Variants in RUFY3 observed in about 807,000 individuals in gnomAD.
The protein encoded by RUFY3 is protein RUFY3.
A neutral mutation model predicts 84.0 loss-of-function variants in RUFY3; 34 were observed. The ratio of observed to expected loss-of-function variants is 0.40; its 90% confidence interval spans 0.31 to 0.54. The LOEUF is 0.54. Among genes scored for constraint, RUFY3 ranks in the 20% least tolerant of loss-of-function variants. The pLI is 0.39. For synonymous variants in RUFY3, 242 were observed against 252.9 expected, an observed-to-expected ratio of 0.96 and a Z score of 0.41; for missense variants, 507 against 736.8, an observed-to-expected ratio of 0.69 and a Z score of 3.61.
chr4:70,743,168 C>T (rs2148652262), intron 1 of RUFY3, among the ~76,000 whole-genome samples: 2 of 152,226 alleles, frequency 1.3e-5, no homozygotes, highest in East Asian at 3.9e-4. Context: ...TCCTGGGGTT[C>T]AAGCAATTCT....
rs547049640 is a variant in RUFY3, at chr4:70,735,670, A to G, written c.178+12919A>G. On this transcript the variant is annotated intron_variant, in intron 1 of 17. Transcript: ENST00000381006. Reference sequence around the variant, plus strand: ...AGCCTGGGCAACATGGCAAAACCCTATATCTACAAAAAAAAATAAAAATTA... The same window carrying G: ...AGCCTGGGCAACATGGCAAAACCCTGTATCTACAAAAAAAAATAAAAATTA... Among the ~76,000 whole-genome samples the G allele has an allele frequency of 1.6e-4, 24 of 151,566 alleles. No individual in the cohort carries two copies. The East Asian group carries it at 2.3e-3, about 15-fold the overall frequency.
At chr4:70,755,733 C>T (rs1022856377) in intron 1 of RUFY3, among the ~76,000 whole-genome samples, 2 of 152,042 alleles carry the variant, frequency 1.3e-5, no homozygotes, top group Non-Finnish European at 2.9e-5. Flanking sequence ...GGGCGGATCA[C>T]GAGGTCAGGA....
At chr4:70,787,877 C>T (rs1245077756) in intron 10 of RUFY3, among the ~76,000 whole-genome samples, 1 of 152,026 alleles carries the variant, frequency 6.6e-6, no homozygotes, top group Non-Finnish European at 1.5e-5. Context: ...CCTAGGTGAG[C>T]CCAAGGCACA....
At chr4:70,798,858 A>T (rs1731857735) in intron 14 of RUFY3, among the ~76,000 whole-genome samples, 1 of 152,032 alleles carries the variant, frequency 6.6e-6, no homozygotes, top group African/African-American at 2.4e-5. Context: ...ATTGGTAGAA[A>T]TGCAGTTTGA....
chr4:70,771,821 C>T (rs990373261), intron 5 of RUFY3, among the ~76,000 whole-genome samples: 8 of 152,090 alleles, frequency 5.3e-5, no homozygotes, highest in South Asian at 2.1e-4. Context: ...TGAGCCATGG[C>T]GCCTGGCCTA....
upstream of RUFY3, among the ~76,000 whole-genome samples, chr4:70,721,068 C>G (rs1261102522): frequency 3.9e-5 from 6 of 152,074 alleles, no homozygotes; most frequent in Non-Finnish European, 8.8e-5. Context: ...AATCCCAGCA[C>G]TTTGGGAGGC....
At chr4:70,772,870 A>G (rs879418132) in intron 5 of RUFY3, among the ~76,000 whole-genome samples, 1 of 152,188 alleles carries the variant, frequency 6.6e-6, no homozygotes, top group Non-Finnish European at 1.5e-5. Flanking sequence ...CATGTTGTTC[A>G]GTCTGGTCTC....
At chr4:70,791,829 A>AG (rs1467501991) in intron 12 of RUFY3, 4 of 985,838 alleles carry the variant, frequency 4.1e-6, no homozygotes, top group Non-Finnish European at 4.8e-6. Context: ...CCCCAAGCCA[A>AG]GGATAGTACT....
At chr4:70,801,622 T>A (rs1732241794) in intron 15 of RUFY3, among the ~76,000 whole-genome samples, 1 of 152,200 alleles carries the variant, frequency 6.6e-6, no homozygotes, top group Admixed American at 6.5e-5. Context: ...TTCGTCACCT[T>A]AAGAATGAGG....
chr4:70,707,199 TTAAAGC>T (rs1239645038), intron 1 of RUFY3, among the ~76,000 whole-genome samples: 7 of 152,260 alleles, frequency 4.6e-5, no homozygotes, highest in Non-Finnish European at 4.4e-5. Flanking sequence ...ACTAGAGGAC[TTAAAGC>T]TAAAGTTTCA....
At chr4:70,797,124 G>A (rs1731620230) in intron 14 of RUFY3, among the ~76,000 whole-genome samples, 1 of 151,484 alleles carries the variant, frequency 6.6e-6, no homozygotes, top group Non-Finnish European at 1.5e-5. Flanking sequence ...TATTTTTTTG[G>A]TAGAGTCAGG....
chr4:70,802,964 C>T lies in RUFY3; in HGVS notation c.1631C>T (p.Pro544Leu), dbSNP rs750876865. 6.2e-7 allele frequency: 1 copy of T among 1,608,106 alleles called. No homozygotes were observed. The highest frequency in any genetic ancestry group is 1.7e-5 in the Admixed American group (1 of 58,952). The change falls in exon 16 of 18, where the codon CCC becomes CTC. Residue 544 changes from proline to leucine, a missense_variant. By Grantham distance (98) the Pro-to-Leu change is moderately conservative. Transcript: ENST00000381006. ...TTACTTCTCCATTGTAGGCTGCAACCCCACCCTATGGATGAACAGGTAACA... is the reference window on the plus strand; with the variant it reads ...TTACTTCTCCATTGTAGGCTGCAACTCCACCCTATGGATGAACAGGTAACA... Reference protein sequence around the residue: ...KPLEESHRLQPHPMDEQDQLL... With the variant: ...KPLEESHRLQLHPMDEQDQLL...
upstream of RUFY3, among the ~76,000 whole-genome samples, chr4:70,719,056 C>G (rs1398633753): frequency 2.0e-5 from 3 of 152,204 alleles, no homozygotes; most frequent in Middle Eastern, 3.2e-3. Flanking sequence ...GCACTGTTTT[C>G]ATAGTAACTT....
intron 12 of RUFY3, 114 bp from the exon 13 acceptor site, chr4:70,793,671 C>T (rs1375004514): frequency 5.1e-6 from 8 of 1,578,764 alleles, no homozygotes; most frequent in African/African-American, 2.7e-5. Flanking sequence ...TTTTTCCTCT[C>T]TCTGTCTCTC....
At chr4:70,738,356 CTTTTTTTTTTT>C (rs60916183) in intron 1 of RUFY3, among the ~76,000 whole-genome samples, 3 of 60,502 alleles carry the variant, frequency 5.0e-5, no homozygotes, top group African/African-American at 2.5e-4. Context: ...GGTGTTTCAT[CTTTTTTTTTTT>C]TTTTTTTTTT....
At chr4:70,727,256 CG>C (rs1259722641) in intron 1 of RUFY3, among the ~76,000 whole-genome samples, 2 of 143,698 alleles carry the variant, frequency 1.4e-5, no homozygotes, top group African/African-American at 5.5e-5. Flanking sequence ...TTTATTTTTG[CG>C]ATTTTTTTTA....
chr4:70,785,537 T>C lies in RUFY3; in HGVS notation c.1071+658T>C, dbSNP rs1251560264. On this transcript the variant is annotated intron_variant, in intron 10 of 17. Coordinates refer to ENST00000381006, the MANE Select transcript of RUFY3 (RefSeq NM_001037442.4). Reference sequence around the variant, plus strand: ...TGGAAAACATAGTTGTCTTAAAAAATTAAAAATCGGGCCAGGCACAGTGGC... The same window carrying C: ...TGGAAAACATAGTTGTCTTAAAAAACTAAAAATCGGGCCAGGCACAGTGGC... Among the ~76,000 whole-genome samples, 5 of 151,986 alleles carry C rather than the reference T, an allele frequency of 3.3e-5. No homozygotes were observed. In the East Asian group the frequency reaches 9.7e-4, roughly 29 times the overall value.
intron 1 of RUFY3, among the ~76,000 whole-genome samples, chr4:70,724,068 C>T (rs1003198567): frequency 2.2e-4 from 34 of 152,084 alleles, no homozygotes; most frequent in African/African-American, 7.5e-4. Flanking sequence ...CTGTATGTTT[C>T]GTTATGTGCA....
chr4:70,741,630 CTT>C, intron 1 of RUFY3: 1 of 1,523,450 alleles, frequency 6.6e-7, no homozygotes, highest in Middle Eastern at 1.7e-4. Context: ...TGCAAAGACT[CTT>C]GGGAGGATTT....
Sources: allele counts gnomAD v4.1 joint callset (sites outside exome capture counted in the v4.1 genomes callset), GRCh38; gene constraint gnomAD v4.1.1; transcripts MANE v1.5; gene names NCBI Gene and HGNC (gene_info 2026-07-23, HGNC 2026-07-21).